The following FMN1 variants were observed in gnomAD, a reference collection of about 807,000 sequenced individuals.
The protein encoded by FMN1 is formin 1.
Under a neutral mutation model 132.4 loss-of-function variants are expected in FMN1, and 110 were observed. The observed-to-expected ratio is 0.83, with a 90% CI of 0.71 to 0.97. The LOEUF is 0.97. Ranked by LOEUF, FMN1 falls within the 50% of genes least tolerant of loss-of-function variation. FMN1 has a pLI of 0.00. For missense variants in FMN1, 1,792 were observed against 1,705.3 expected, an observed-to-expected ratio of 1.05 and a Z score of -0.90; for synonymous variants, 722 against 651.7, an observed-to-expected ratio of 1.11 and a Z score of -1.64.
intron 16 of FMN1, among the ~76,000 whole-genome samples, chr15:32,864,155 G>C (rs905930965): frequency 6.6e-6 from 1 of 152,142 alleles, no homozygotes; most frequent in African/African-American, 2.4e-5. Flanking sequence ...ACAAAGGGAG[G>C]TTTCAAGTTG....
At chr15:32,894,849 C>G (rs201556865) in intron 15 of FMN1, among the ~76,000 whole-genome samples, 4 of 151,810 alleles carry the variant, frequency 2.6e-5, no homozygotes, top group Admixed American at 2.0e-4. Context: ...TCAGGTTATT[C>G]TGTGTATTTA....
chr15:32,937,672 C>T (rs886712255), intron 9 of FMN1, among the ~76,000 whole-genome samples: 1 of 152,178 alleles, frequency 6.6e-6, no homozygotes, highest in Non-Finnish European at 1.5e-5. Context: ...CAAAGTGGCT[C>T]ATATGGACAT....
At chr15:32,989,433 T>C (rs1187812039) in intron 7 of FMN1, among the ~76,000 whole-genome samples, 2 of 152,178 alleles carry the variant, frequency 1.3e-5, no homozygotes, top group Admixed American at 6.6e-5. Context: ...GGTAAAATGA[T>C]GATTGTGAGA....
chr15:33,072,991 G>C (rs1028669917), intron 5 of FMN1, among the ~76,000 whole-genome samples: 6 of 151,496 alleles, frequency 4.0e-5, no homozygotes, highest in African/African-American at 1.5e-4. Flanking sequence ...AAGAACAATT[G>C]CAATAAAAGG....
chr15:32,807,706 A>C (rs1053677450), intron 17 of FMN1, among the ~76,000 whole-genome samples: 22 of 152,330 alleles, frequency 1.4e-4, no homozygotes, highest in African/African-American at 5.3e-4. Context: ...CTCTGTGAAT[A>C]TGGTGATTTG....
chr15:33,077,349 T>C, intron 5 of FMN1, among the ~76,000 whole-genome samples: 1 of 114,876 alleles, frequency 8.7e-6, no homozygotes, highest in East Asian at 3.0e-4. Context: ...CTTTTTTTTT[T>C]TTTTAATATA....
At chr15:33,045,961 C>T (rs144314600) in intron 6 of FMN1, among the ~76,000 whole-genome samples, 1,988 of 152,242 alleles carry the variant, frequency 0.013, 21 homozygotes, top group Non-Finnish European at 0.022. Flanking sequence ...GCTTAAGGCT[C>T]ATTTTTCACT....
intron 4 of FMN1, among the ~76,000 whole-genome samples, chr15:33,134,808 C>A (rs1963694341): frequency 1.3e-5 from 2 of 152,186 alleles, no homozygotes; most frequent in South Asian, 2.1e-4. Context: ...TCAAGACCAG[C>A]CTGGCGAACA....
At chr15:32,888,857 G>GTT (rs34627075) in intron 15 of FMN1, among the ~76,000 whole-genome samples, 287 of 135,606 alleles carry the variant, frequency 2.1e-3, no homozygotes, top group African/African-American at 7.4e-3. Flanking sequence ...ATATACACAG[G>GTT]TTTTTTTTTT....
chr15:33,004,291 T>C (rs1412316999), intron 7 of FMN1, among the ~76,000 whole-genome samples: 2 of 152,022 alleles, frequency 1.3e-5, no homozygotes, highest in East Asian at 3.9e-4. Flanking sequence ...TGCAACCTAC[T>C]CATCTGACAA....
At chr15:32,925,734 A>G (rs375875970) in intron 10 of FMN1, among the ~76,000 whole-genome samples, 2 of 152,170 alleles carry the variant, frequency 1.3e-5, no homozygotes, top group East Asian at 3.8e-4. Flanking sequence ...CTTTGAAGGA[A>G]GGATAATGGC....
chr15:32,901,250 A>C (rs2060288811), intron 13 of FMN1, among the ~76,000 whole-genome samples: 1 of 152,226 alleles, frequency 6.6e-6, no homozygotes, highest in Non-Finnish European at 1.5e-5. Flanking sequence ...GTGCGTGTAT[A>C]ATTATATTTC....
rs755990054 is a variant in FMN1 at position 32,888,182 on chromosome 15, C to T, written c.3825G>A (p.Arg1275=). 3 of 1,607,516 alleles carry T rather than the reference C, an allele frequency of 1.9e-6. No individual in the cohort carries two copies. Among genetic ancestry groups the T allele is most frequent in the Non-Finnish European group, 2.5e-6 (3 of 1,177,810 alleles). Residue 1275 remains arginine (R), a synonymous_variant, in exon 16 of 21, where the codon AGG becomes AGA. Coordinates refer to ENST00000616417, the MANE Select transcript of FMN1 (RefSeq NM_001277313.2). ...DLIKDLRKLK[R]QLEASEKQMV... is the part of the protein sequence containing the mutation. ...AACAGTTCCTATTACCTTCTAGTTG[C>T]CTCTTCAGTTTTCTCAAATCTTTTA...
At chr15:33,180,740 C>A (rs1595607800) in intron 2 of FMN1, among the ~76,000 whole-genome samples, 1 of 132,412 alleles carries the variant, frequency 7.6e-6, no homozygotes. Flanking sequence ...GGCTCTCCTG[C>A]TGCCTTTTTT....
chr15:33,174,753 C>CG (rs538053235), intron 3 of FMN1, among the ~76,000 whole-genome samples: 34,184 of 152,066 alleles, frequency 0.22, 4,471 homozygotes, highest in Middle Eastern at 0.32. Flanking sequence ...GTTGCCAGCT[C>CG]CCATACTGTG....
At chr15:33,185,184 T>C (rs755947616) in intron 2 of FMN1, among the ~76,000 whole-genome samples, 1 of 152,196 alleles carries the variant, frequency 6.6e-6, no homozygotes, top group Non-Finnish European at 1.5e-5. Context: ...AGAATAATAA[T>C]TTAAAATACA....
chr15:32,848,983 T>G (rs113444188), intron 17 of FMN1, among the ~76,000 whole-genome samples: 9 of 117,328 alleles, frequency 7.7e-5, no homozygotes, highest in African/African-American at 1.9e-4. Context: ...TTTTGTTTTT[T>G]TTTTTTTTTT....
chr15:32,808,447 TG>T (rs1179538976), intron 17 of FMN1, among the ~76,000 whole-genome samples: 2 of 152,214 alleles, frequency 1.3e-5, no homozygotes, highest in Admixed American at 6.5e-5. Context: ...CCATGGCTGC[TG>T]GGGGTTCAAG....
In FMN1 at chr15:32,970,465, T is replaced by A. The variant is rs187766793; in HGVS notation, c.2224-988A>T. On this transcript the variant is annotated intron_variant, in intron 7 of 20. Coordinates refer to ENST00000616417, the MANE Select transcript of FMN1 (RefSeq NM_001277313.2). ...GTCTTTCTATCTGTATCCCAGCAGG[T>A]AGCCCAGGAAGTACATACCTCAGCA... Among the ~76,000 whole-genome samples the A allele has an allele frequency of 3.7e-3, 557 of 152,280 alleles. 2 individuals carry two copies. The highest frequency in any genetic ancestry group is 0.013 in the African/African-American group (531 of 41,556).
Sources: allele counts gnomAD v4.1 joint callset (sites outside exome capture counted in the v4.1 genomes callset), GRCh38; gene constraint gnomAD v4.1.1; transcripts MANE v1.5; gene names NCBI Gene and HGNC (gene_info 2026-07-23, HGNC 2026-07-21).